PTPRD: variants seen among roughly 807,000 people sequenced by gnomAD.
The protein encoded by PTPRD is protein tyrosine phosphatase receptor type D, also known as receptor-type tyrosine-protein phosphatase delta.
A neutral mutation model predicts 214.5 loss-of-function variants in PTPRD; 34 were observed. The observed-to-expected ratio is 0.16, with a 90% CI of 0.12 to 0.21. PTPRD has a LOEUF of 0.21. Among genes scored for constraint, PTPRD ranks in the 10% least tolerant of loss-of-function variants. The pLI is 1.00. For synonymous variants in PTPRD, 1,128 were observed against 845.7 expected (o/e 1.33, Z -5.79); for missense variants, 2,545 against 2,398.7 (o/e 1.06, Z -1.27).
intron 10 of PTPRD, among the ~76,000 whole-genome samples, chr9:9,174,761 A>AT (rs2099923589): frequency 6.6e-6 from 1 of 152,194 alleles, no homozygotes; most frequent in Non-Finnish European, 1.5e-5. Flanking sequence ...TTTAGAAGTA[A>AT]TTTTAAAAAT....
At chr9:8,528,294 T>G (rs1564088746) in intron 15 of PTPRD, 6 of 434,842 alleles carry the variant, frequency 1.4e-5, no homozygotes, top group Non-Finnish European at 8.1e-6. Context: ...AGAAAATGGA[T>G]CCATCAAATA....
At chr9:9,263,442 G>A (rs1396454641) in intron 9 of PTPRD, among the ~76,000 whole-genome samples, 4 of 151,620 alleles carry the variant, frequency 2.6e-5, no homozygotes, top group Non-Finnish European at 4.4e-5. Flanking sequence ...TCAGTCAATA[G>A]TGTAACATAA....
At chr9:9,194,780 A>G (rs2099937300) in intron 9 of PTPRD, among the ~76,000 whole-genome samples, 1 of 152,080 alleles carries the variant, frequency 6.6e-6, no homozygotes, top group Non-Finnish European at 1.5e-5. Context: ...TTATCTCTTA[A>G]TATTGTAAAC....
chr9:9,182,537 T>C (rs946269014), intron 10 of PTPRD, among the ~76,000 whole-genome samples: 18 of 152,018 alleles, frequency 1.2e-4, no homozygotes, highest in African/African-American at 2.4e-5. Flanking sequence ...AGATCAAATA[T>C]CTCAGAGAAA....
intron 3 of PTPRD, among the ~76,000 whole-genome samples, chr9:10,285,341 G>A (rs12002159): frequency 0.11 from 17,114 of 151,988 alleles, 2,282 homozygotes; most frequent in African/African-American, 0.3. Flanking sequence ...TTTCTTTTAT[G>A]TTATGAACTT....
intron 44 of PTPRD, among the ~76,000 whole-genome samples, chr9:8,327,999 G>A (rs1360058332): frequency 1.3e-5 from 2 of 152,102 alleles, no homozygotes; most frequent in African/African-American, 2.4e-5. Context: ...TTTTAATTGG[G>A]GGCATTTAGC....
At chr9:9,613,745 C>T (rs1349144129) in intron 7 of PTPRD, among the ~76,000 whole-genome samples, 3 of 152,208 alleles carry the variant, frequency 2.0e-5, no homozygotes, top group East Asian at 1.9e-4. Context: ...AATCTCAGGC[C>T]CACCCCCTAG....
Position 8,319,894 on chromosome 9 carries a change from A to G in PTPRD, c.5607T>C (p.Val1869=), listed in dbSNP as rs768457236. ...IVLERMRYEG[V]VDIFQTVKML... is the part of the protein sequence containing the mutation. ...TTTTGACAGTCTGGAAGATATCTAC[A>G]ACTCCTTCATATCTCATTCTTTCCA... Residue 1869 remains valine (V), a synonymous_variant, in exon 45 of 46, where the codon GTT becomes GTC. Transcript: ENST00000381196. 14 of 1,613,130 alleles carry G rather than the reference A, an allele frequency of 8.7e-6. No individual in the cohort carries two copies. Among genetic ancestry groups the G allele is most frequent in the South Asian group, 5.5e-5 (5 of 91,058 alleles).
intron 10 of PTPRD, among the ~76,000 whole-genome samples, chr9:9,083,334 A>C (rs1419655569): frequency 6.6e-6 from 1 of 152,194 alleles, no homozygotes; most frequent in Non-Finnish European, 1.5e-5. Context: ...TGGTGTTGGG[A>C]AAACTGTCTA....
intron 10 of PTPRD, among the ~76,000 whole-genome samples, chr9:9,071,337 T>C (rs968506787): frequency 2.6e-4 from 39 of 152,318 alleles, no homozygotes; most frequent in African/African-American, 8.9e-4. Flanking sequence ...GCAATTTAGA[T>C]GCCAAATAGG....
At chr9:9,952,687 T>C (rs142010040) in intron 4 of PTPRD, among the ~76,000 whole-genome samples, 2 of 152,202 alleles carry the variant, frequency 1.3e-5, no homozygotes, top group Admixed American at 6.5e-5. Flanking sequence ...CCAGGATAAC[T>C]ATTCACTGGG....
intron 36 of PTPRD, among the ~76,000 whole-genome samples, chr9:8,390,428 A>T (rs1212456806): frequency 6.6e-6 from 1 of 152,050 alleles, no homozygotes; most frequent in African/African-American, 2.4e-5. Flanking sequence ...TTCCCATCAT[A>T]AAACACCCAG....
chr9:10,360,751 T>G, intron 2 of PTPRD, among the ~76,000 whole-genome samples: 1 of 152,244 alleles, frequency 6.6e-6, no homozygotes, highest in Non-Finnish European at 1.5e-5. Context: ...TGAAGATCTT[T>G]GAAAACATTT....
At chr9:9,610,447 C>T (rs1291391809) in intron 7 of PTPRD, among the ~76,000 whole-genome samples, 2 of 152,134 alleles carry the variant, frequency 1.3e-5, no homozygotes, top group Admixed American at 6.5e-5. Flanking sequence ...TGTGCTAAAT[C>T]ATGCTAGGGT....
chr9:9,277,380 A>G (rs1946063136), intron 9 of PTPRD, among the ~76,000 whole-genome samples: 1 of 151,540 alleles, frequency 6.6e-6, no homozygotes, highest in Admixed American at 6.6e-5. Flanking sequence ...CTGCAAAAGT[A>G]AAAGAAAACA....
chr9:10,008,549 C>T (rs1488990102), intron 4 of PTPRD, among the ~76,000 whole-genome samples: 1 of 151,466 alleles, frequency 6.6e-6, no homozygotes, highest in Non-Finnish European at 1.5e-5. Flanking sequence ...ATGTGTGCCC[C>T]ATTTCATGCA....
rs181869621 is a variant in PTPRD, at chr9:10,340,708, C to G, written c.-545+255G>C. Among the ~76,000 whole-genome samples the G allele has an allele frequency of 3.2e-3, 491 of 151,876 alleles. 3 individuals carry two copies. Among genetic ancestry groups the G allele is most frequent in the African/African-American group, 0.011 (462 of 41,488 alleles). ...TTAAGAATCTAGGACATGGAAAGTC[C>G]TCAAATGGATGCCAACATCTCATGA... is the stretch of plus-strand genomic sequence containing the variant. On this transcript the variant is annotated intron_variant, in intron 3 of 45. Transcript: ENST00000381196.
rs1449488536 is a variant in PTPRD at position 8,571,607 on chromosome 9, AAAC to A, written c.353-42831_353-42829del. Among the ~76,000 whole-genome samples the A allele has an allele frequency of 5.3e-5, 8 of 152,182 alleles. No homozygotes were observed. In the South Asian group the frequency reaches 1.4e-3, roughly 28 times the overall value. On this transcript the variant is annotated intron_variant, in intron 14 of 45. Transcript: ENST00000381196. ...CAATATTACTATTTTGTTGAATATA[AAAC>A]AACTGAGCAAAGCCATATTAGAATT...
intron 9 of PTPRD, among the ~76,000 whole-genome samples, chr9:9,208,079 G>T (rs1270066094): frequency 8.3e-6 from 1 of 121,058 alleles, no homozygotes; most frequent in African/African-American, 3.0e-5. Context: ...GAGTGCAGTG[G>T]TGCGATCTCA....
Sources: allele counts gnomAD v4.1 joint callset (sites outside exome capture counted in the v4.1 genomes callset), GRCh38; gene constraint gnomAD v4.1.1; transcripts MANE v1.5; gene names NCBI Gene and HGNC (gene_info 2026-07-23, HGNC 2026-07-21).